CNTNAP2: variants seen among roughly 807,000 people sequenced by gnomAD.
CNTNAP2 encodes the protein contactin associated protein 2.
Under a neutral mutation model 155.2 loss-of-function variants are expected in CNTNAP2, and 98 were observed. The ratio of observed to expected loss-of-function variants is 0.63; its 90% CI spans 0.54 to 0.75. CNTNAP2 has a LOEUF of 0.75. Ranked by LOEUF, CNTNAP2 falls within the 30% of genes least tolerant of loss-of-function variation. CNTNAP2 has a pLI of 0.00. For missense variants in CNTNAP2, 1,727 were observed against 1,688.1 expected (o/e 1.02, Z -0.40); for synonymous variants, 651 against 631.2 (o/e 1.03, Z -0.47).
At position 147,742,083 on chromosome 7, in the gene CNTNAP2, G is replaced by T. The variant is rs182238292; in HGVS notation, c.2098+102777G>T. Among the ~76,000 whole-genome samples, 6 of 152,186 alleles carry T rather than the reference G, an allele frequency of 3.9e-5. No individual in the cohort carries two copies. In the East Asian group the frequency reaches 1.2e-3, roughly 29 times the overall value. ...CCCCTTTATAAACCCATCAGATCTC[G>T]TGAGACTTATTCACTATCACAAAAA... On this transcript the variant is annotated intron_variant, in intron 13 of 23. Coordinates refer to ENST00000361727, the MANE Select transcript of CNTNAP2 (RefSeq NM_014141.6).
intron 1 of CNTNAP2, among the ~76,000 whole-genome samples, chr7:146,382,683 A>ATTATTAAAAAATAATG (rs1795406600): frequency 6.6e-6 from 1 of 152,200 alleles, no homozygotes; most frequent in Non-Finnish European, 1.5e-5. Flanking sequence ...AGGATAATTC[A>ATTATTAAAAAATAATG]CTTAATAAGC....
chr7:146,624,714 T>G (rs1012237615), intron 1 of CNTNAP2, among the ~76,000 whole-genome samples: 2 of 151,994 alleles, frequency 1.3e-5, no homozygotes, highest in Non-Finnish European at 2.9e-5. Flanking sequence ...CATGTCTCTT[T>G]CCTTGCCATA....
intron 10 of CNTNAP2, among the ~76,000 whole-genome samples, chr7:147,473,807 C>T (rs937250666): frequency 1.4e-4 from 22 of 152,090 alleles, no homozygotes; most frequent in Non-Finnish European, 2.8e-4. Flanking sequence ...AATTCGGGTG[C>T]GGTGGTTCAC....
At chr7:147,851,180 A>T (rs1798932302) in intron 13 of CNTNAP2, among the ~76,000 whole-genome samples, 1 of 152,162 alleles carries the variant, frequency 6.6e-6, no homozygotes, top group African/African-American at 2.4e-5. Context: ...AATGCTCATC[A>T]TCACTGGCCA....
At chr7:147,436,181 C>T (rs1297097113) in intron 10 of CNTNAP2, among the ~76,000 whole-genome samples, 1 of 152,000 alleles carries the variant, frequency 6.6e-6, no homozygotes, top group African/African-American at 2.4e-5. Context: ...TTAATTAAGC[C>T]GCTGAATAGT....
intron 3 of CNTNAP2, among the ~76,000 whole-genome samples, chr7:146,955,867 T>C (rs1284428171): frequency 1.3e-5 from 2 of 152,088 alleles, no homozygotes; most frequent in Non-Finnish European, 2.9e-5. Flanking sequence ...GCAGTTAACA[T>C]GAATACAAAA....
intron 1 of CNTNAP2, among the ~76,000 whole-genome samples, chr7:146,464,236 A>C (rs1375210339): frequency 2.0e-5 from 3 of 149,432 alleles, no homozygotes; most frequent in Non-Finnish European, 4.4e-5. Context: ...CCAAACAACA[A>C]ACAAATGAAA....
intron 13 of CNTNAP2, among the ~76,000 whole-genome samples, chr7:147,866,177 T>C (rs144354673): frequency 6.6e-6 from 1 of 152,226 alleles, no homozygotes; most frequent in Non-Finnish European, 1.5e-5. Context: ...CATTTCGTCA[T>C]GTACCCAGTA....
chr7:146,854,991 A>G (rs1794948450), intron 3 of CNTNAP2, among the ~76,000 whole-genome samples: 1 of 152,226 alleles, frequency 6.6e-6, no homozygotes, highest in Non-Finnish European at 1.5e-5. Context: ...TTCCATGTCT[A>G]TAATATCTAC....
chr7:146,742,799 G>A (rs948917119), intron 1 of CNTNAP2, among the ~76,000 whole-genome samples: 4 of 152,160 alleles, frequency 2.6e-5, no homozygotes, highest in Non-Finnish European at 4.4e-5. Flanking sequence ...AAACGAGCTA[G>A]TATTTAGTTG....
intron 3 of CNTNAP2, among the ~76,000 whole-genome samples, chr7:146,849,674 A>G (rs1281110895): frequency 3.3e-5 from 5 of 152,176 alleles, no homozygotes; most frequent in Non-Finnish European, 5.9e-5. Context: ...AATTAATCAA[A>G]AATAAATTGT....
At chr7:147,178,673 C>T (rs999024693) in intron 8 of CNTNAP2, among the ~76,000 whole-genome samples, 5 of 152,034 alleles carry the variant, frequency 3.3e-5, no homozygotes, top group African/African-American at 7.2e-5. Context: ...GTGCAGTGTC[C>T]GGGTCTCTGA....
rs189731792 is a variant in CNTNAP2, at chr7:146,839,843, G to A, written c.341G>A (p.Arg114Gln). The change falls in exon 3 of 24, where the codon CGG (arginine) becomes CAG (glutamine). Residue 114 changes from arginine to glutamine, a missense_variant. By Grantham distance (43) the Arg-to-Gln change is conservative. Transcript: ENST00000361727. ...AGCTCAGATTGGGTGACCCAATACC[G>A]GATGCTCTACAGCGACACAGGGAGA... Reference protein sequence around the residue: ...YSSSDWVTQYRMLYSDTGRNW... With the variant: ...YSSSDWVTQYQMLYSDTGRNW... 162 of 1,614,078 alleles carry A rather than the reference G, an allele frequency of 1.0e-4. No homozygotes were observed. The Admixed American group carries it at 1.6e-3, about 16-fold the overall frequency.
At chr7:146,722,861 A>T (rs1801362905) in intron 1 of CNTNAP2, among the ~76,000 whole-genome samples, 1 of 152,062 alleles carries the variant, frequency 6.6e-6, no homozygotes, top group African/African-American at 2.4e-5. Context: ...CTAAAAATAC[A>T]AAAATTAGCT....
At chr7:146,612,747 C>T (rs999061889) in intron 1 of CNTNAP2, among the ~76,000 whole-genome samples, 2 of 152,108 alleles carry the variant, frequency 1.3e-5, no homozygotes, top group East Asian at 3.8e-4. Flanking sequence ...TTCATATACA[C>T]AGAGAAAAAT....
At chr7:147,802,208 T>C (rs1460074727) in intron 13 of CNTNAP2, among the ~76,000 whole-genome samples, 1 of 133,444 alleles carries the variant, frequency 7.5e-6, no homozygotes, top group East Asian at 2.4e-4. Context: ...TCCCCACATC[T>C]CAGACGATGG....
rs183003697 is a variant in CNTNAP2 at position 146,645,101 on chromosome 7, C to T, written c.98-129170C>T. Among the ~76,000 whole-genome samples, 200 of 152,262 alleles carry T rather than the reference C, an allele frequency of 1.3e-3. 1 individual carries two copies. The highest frequency in any genetic ancestry group is 4.5e-3 in the African/African-American group (187 of 41,556). On this transcript the variant is annotated intron_variant, in intron 1 of 23. Coordinates refer to ENST00000361727, the MANE Select transcript of CNTNAP2 (RefSeq NM_014141.6). ...AATCATTTATTAAAATAGGCAAGTACTTCTAAAAGCAGGGCTTGAAGGATG... is the reference window on the plus strand; with the variant it reads ...AATCATTTATTAAAATAGGCAAGTATTTCTAAAAGCAGGGCTTGAAGGATG...
chr7:148,229,769 T>A lies in CNTNAP2; in HGVS notation c.3371T>A (p.Ile1124Asn). ...AACATCACCCGCCACGAGAAGACCA[T>A]CTTTCTCAAGGTATACATACATGTA... is the stretch of plus-strand genomic sequence containing the variant. ...SVNITRHEKT[I>N]FLKLDHYPSV... is the part of the protein sequence containing the mutation. The change falls in exon 20 of 24, where the codon ATC (isoleucine) becomes AAC (asparagine). Residue 1124 changes from isoleucine to asparagine, a missense_variant. Ile to Asn is a moderately radical substitution (Grantham distance 149, BLOSUM62 -3). Transcript: ENST00000361727. 6.2e-7 allele frequency: 1 copy of A among 1,614,062 alleles called. No homozygotes were observed. The highest frequency in any genetic ancestry group is 8.5e-7 in the Non-Finnish European group (1 of 1,180,000).
rs186047254 is a variant in CNTNAP2, at chr7:147,177,475, T to A, written c.1348+44966T>A. On this transcript the variant is annotated intron_variant, in intron 8 of 23. Coordinates refer to ENST00000361727, the MANE Select transcript of CNTNAP2 (RefSeq NM_014141.6). ...AGGCCTCCCCAGCCATGCAGAACTGTGAGTCCATTAAACCTCTTTTCTTTA... is the reference window on the plus strand; with the variant it reads ...AGGCCTCCCCAGCCATGCAGAACTGAGAGTCCATTAAACCTCTTTTCTTTA... Among the ~76,000 whole-genome samples, 38 of 152,270 alleles carry A rather than the reference T, an allele frequency of 2.5e-4. No individual in the cohort carries two copies. In the East Asian group the frequency reaches 5.6e-3, roughly 22 times the overall value.
Sources: allele counts gnomAD v4.1 joint callset (sites outside exome capture counted in the v4.1 genomes callset), GRCh38; gene constraint gnomAD v4.1.1; transcripts MANE v1.5; gene names NCBI Gene and HGNC (gene_info 2026-07-23, HGNC 2026-07-21).